The following CACNA2D3 variants were observed in gnomAD, a reference collection of about 807,000 sequenced individuals.
CACNA2D3 encodes the protein calcium voltage-gated channel auxiliary subunit alpha2delta 3.
CACNA2D3 carries 60 observed loss-of-function variants against 160.6 expected under a neutral mutation model. The ratio of observed to expected loss-of-function variants is 0.37; its 90% CI spans 0.30 to 0.46. The LOEUF (loss-of-function observed/expected upper bound fraction) is 0.46. CACNA2D3 is among the 20% of genes least tolerant of loss of function. The pLI is 1.00. For missense variants in CACNA2D3, 1,205 were observed against 1,365.0 expected, an observed-to-expected ratio of 0.88 and a Z score of 1.85; for synonymous variants, 558 against 492.9, an observed-to-expected ratio of 1.13 and a Z score of -1.75.
chr3:54,687,342 G>A (rs1321936750), intron 11 of CACNA2D3, among the ~76,000 whole-genome samples: 7 of 146,706 alleles, frequency 4.8e-5, no homozygotes, highest in Admixed American at 1.4e-4. Context: ...TAATGGAGAC[G>A]GGGTTTCACC....
intron 11 of CACNA2D3, among the ~76,000 whole-genome samples, chr3:54,697,965 T>C (rs1700694637): frequency 6.6e-6 from 1 of 152,344 alleles, no homozygotes; most frequent in South Asian, 2.1e-4. Flanking sequence ...TTTAAAATCA[T>C]GCACAATATG....
rs118147066 is a variant in CACNA2D3, at chr3:54,688,654, C to T, written c.1167+46413C>T. On this transcript the variant is annotated intron_variant, in intron 11 of 37. Coordinates refer to ENST00000474759, the MANE Select transcript of CACNA2D3 (RefSeq NM_018398.3). ...GAGGTCATACACATAAAGCACATGA[C>T]GTGGTTCCTGACACAGAGAAAGAGC... is the stretch of plus-strand genomic sequence containing the variant. Among the ~76,000 whole-genome samples the T allele has an allele frequency of 2.9e-3, 434 of 151,822 alleles. 1 individual carries two copies. Among genetic ancestry groups the T allele is most frequent in the East Asian group, 7.0e-3 (36 of 5,126 alleles).
intron 27 of CACNA2D3, among the ~76,000 whole-genome samples, chr3:54,931,438 A>G (rs577864444): frequency 1.3e-5 from 2 of 152,324 alleles, no homozygotes; most frequent in Admixed American, 6.5e-5. Flanking sequence ...TGCTAATGCT[A>G]GGCAGTGCCT....
intron 2 of CACNA2D3, among the ~76,000 whole-genome samples, chr3:54,279,587 A>G (rs1300697535): frequency 1.3e-5 from 2 of 152,076 alleles, no homozygotes; most frequent in African/African-American, 4.8e-5. Context: ...GGAAGGTTGG[A>G]TTTTCAAGAA....
intron 11 of CACNA2D3, among the ~76,000 whole-genome samples, chr3:54,722,504 A>G (rs1343833367): frequency 1.3e-5 from 2 of 151,892 alleles, no homozygotes; most frequent in East Asian, 3.9e-4. Context: ...GGTTTTTGGA[A>G]TTTTCAGCCT....
chr3:54,414,744 A>G (rs1026195185), intron 4 of CACNA2D3, among the ~76,000 whole-genome samples: 4 of 149,096 alleles, frequency 2.7e-5, no homozygotes, highest in Middle Eastern at 3.5e-3. Flanking sequence ...TGAACTGTTC[A>G]TTTATAAAGT....
At chr3:54,555,137 A>G (rs548800733) in intron 5 of CACNA2D3, among the ~76,000 whole-genome samples, 23 of 152,168 alleles carry the variant, frequency 1.5e-4, no homozygotes, top group African/African-American at 5.5e-4. Flanking sequence ...TGACCTCCCA[A>G]AGTGTTGAGA....
At chr3:54,880,476 C>G (rs138820957) in intron 20 of CACNA2D3, among the ~76,000 whole-genome samples, 1 of 152,160 alleles carries the variant, frequency 6.6e-6, no homozygotes, top group East Asian at 1.9e-4. Flanking sequence ...GTATAAAGAG[C>G]AGGGCTCATG....
Position 54,399,901 on chromosome 3 carries a change from C to T in CACNA2D3, c.381+13127C>T, listed in dbSNP as rs552732910. On this transcript the variant is annotated intron_variant, in intron 4 of 37. Transcript: ENST00000474759. ...ATGGCGGGCGCCCCTCCCCCAGCCT[C>T]GTTGCCGCCTTGCAGTTTGATCTCA... 8.1e-5 allele frequency among the ~76,000 whole-genome samples: 10 copies of T among 123,428 alleles called. 1 individual carries two copies. Among genetic ancestry groups the T allele is most frequent in the African/African-American group, 2.2e-4 (7 of 31,460 alleles). 81.0% of individuals were successfully genotyped at this position (123,428 alleles called of 152,430 possible). A position where few individuals can be genotyped will look rare whatever the true frequency, so the allele number is the denominator to read the frequency against.
intron 2 of CACNA2D3, among the ~76,000 whole-genome samples, chr3:54,286,117 G>C (rs549699044): frequency 2.0e-5 from 3 of 152,066 alleles, no homozygotes; most frequent in African/African-American, 7.2e-5. Flanking sequence ...GGCTTCAGAC[G>C]ATCAAACTAC....
At chr3:54,927,575 AGCC>A (rs1260637989) in intron 27 of CACNA2D3, among the ~76,000 whole-genome samples, 3 of 152,174 alleles carry the variant, frequency 2.0e-5, no homozygotes, top group Non-Finnish European at 4.4e-5. Flanking sequence ...CTGAGATTGT[AGCC>A]AATTTGTTCA....
chr3:55,004,971 TA>T (rs56926640), intron 32 of CACNA2D3, 133 bp downstream of exon 32: 118,253 of 484,686 alleles, frequency 0.24, 1,250 homozygotes, highest in African/African-American at 0.28. Context: ...TTTACTCACT[TA>T]AAAAAAAAAA....
chr3:54,578,014 T>C (rs1441979319), intron 8 of CACNA2D3, among the ~76,000 whole-genome samples: 1 of 152,182 alleles, frequency 6.6e-6, no homozygotes, highest in Non-Finnish European at 1.5e-5. Flanking sequence ...TACCGTGTAG[T>C]TGGTGGGCTG....
chr3:54,462,822 C>A (rs146572305), intron 4 of CACNA2D3, among the ~76,000 whole-genome samples: 2 of 151,470 alleles, frequency 1.3e-5, no homozygotes, highest in Admixed American at 6.6e-5. Flanking sequence ...GTCATTATGA[C>A]GTTAGCTGGT....
chr3:54,336,885 A>G (rs537602620), intron 3 of CACNA2D3, among the ~76,000 whole-genome samples: 103 of 152,340 alleles, frequency 6.8e-4, no homozygotes, highest in Admixed American at 1.8e-3. Context: ...TGCATTTTCT[A>G]TAAACACATG....
At chr3:54,367,814 C>G (rs750634850) in intron 3 of CACNA2D3, among the ~76,000 whole-genome samples, 1 of 152,154 alleles carries the variant, frequency 6.6e-6, no homozygotes, top group Admixed American at 6.6e-5. Flanking sequence ...TTTTAACACT[C>G]GTTTGCTCTT....
At chr3:55,044,582 T>C (rs1704034211) in intron 35 of CACNA2D3, among the ~76,000 whole-genome samples, 1 of 152,126 alleles carries the variant, frequency 6.6e-6, no homozygotes, top group Non-Finnish European at 1.5e-5. Flanking sequence ...TGTATGCCTT[T>C]TGTTTCTTTT....
chr3:54,329,314 A>C (rs1211251550), intron 3 of CACNA2D3, among the ~76,000 whole-genome samples: 1 of 152,148 alleles, frequency 6.6e-6, no homozygotes, highest in Non-Finnish European at 1.5e-5. Context: ...GTGCTCAGTA[A>C]ATGTTTGTGG....
chr3:54,224,538 A>G (rs568450633), intron 2 of CACNA2D3, among the ~76,000 whole-genome samples: 12 of 152,296 alleles, frequency 7.9e-5, no homozygotes, highest in African/African-American at 2.9e-4. Flanking sequence ...GGAATATTCC[A>G]GCTCCATTAT....
Sources: gnomAD v4.1 joint callset for allele counts (sites outside exome capture counted in the v4.1 genomes callset) on GRCh38, gnomAD v4.1.1 for gene constraint, MANE v1.5 for transcripts, NCBI Gene and HGNC (gene_info 2026-07-23, HGNC 2026-07-21) for gene names.